Variants in PSD3 observed in about 807,000 individuals in gnomAD.
The protein encoded by PSD3 is pleckstrin and Sec7 domain containing 3, also known as PH and SEC7 domain-containing protein 3.
PSD3 carries 49 observed loss-of-function variants against 105.5 expected under a neutral mutation model. That is an observed-to-expected ratio of 0.46 (90% CI 0.37 to 0.59). The LOEUF (loss-of-function observed/expected upper bound fraction) is 0.59, where lower values mean the gene tolerates loss of function less well. Among genes scored for constraint, PSD3 ranks in the 20% least tolerant of loss-of-function variants. The probability of loss-of-function intolerance (pLI) is 0.00; values close to 1 mark genes in which losing one functional copy is unlikely to be tolerated. For missense variants in PSD3, 1,561 were observed against 1,263.8 expected, an observed-to-expected ratio of 1.24 and a Z score of -3.57; for synonymous variants, 557 against 457.8, an observed-to-expected ratio of 1.22 and a Z score of -2.77.
At chr8:18,691,305 T>A (rs186620490) in intron 9 of PSD3, among the ~76,000 whole-genome samples, 1 of 152,356 alleles carries the variant, frequency 6.6e-6, no homozygotes, top group African/African-American at 2.4e-5. Flanking sequence ...ACCAGAGTGA[T>A]GCATTAGATT....
intron 1 of PSD3, among the ~76,000 whole-genome samples, chr8:18,984,538 CA>C (rs1343210550): frequency 6.6e-6 from 1 of 152,056 alleles, no homozygotes; most frequent in Non-Finnish European, 1.5e-5. Flanking sequence ...AGAATGCTCT[CA>C]AAAAATGTTA....
intron 2 of PSD3, among the ~76,000 whole-genome samples, chr8:18,891,282 T>G (rs1818765395): frequency 6.6e-6 from 1 of 152,202 alleles, no homozygotes. Flanking sequence ...TGGCTCCTTA[T>G]AATATTTTAT....
At chr8:18,967,161 T>TC (rs1440835574) in intron 1 of PSD3, among the ~76,000 whole-genome samples, 8 of 35,584 alleles carry the variant, frequency 2.2e-4, no homozygotes, top group African/African-American at 9.7e-4. Context: ...TCTTTATTTA[T>TC]TTTTTTTTTT....
chr8:18,593,859 C>A (rs1164897525), intron 12 of PSD3, among the ~76,000 whole-genome samples: 1 of 149,400 alleles, frequency 6.7e-6, no homozygotes, highest in Non-Finnish European at 1.5e-5. Context: ...TCATTCTCAG[C>A]AAACTATCAC....
intron 4 of PSD3, among the ~76,000 whole-genome samples, chr8:18,831,511 C>T (rs892317939): frequency 6.6e-6 from 1 of 152,174 alleles, no homozygotes; most frequent in African/African-American, 2.4e-5. Context: ...CACCCGAGGT[C>T]CGGAGTTTGA....
At chr8:18,821,960 G>A (rs1238620200) in intron 4 of PSD3, among the ~76,000 whole-genome samples, 1 of 151,610 alleles carries the variant, frequency 6.6e-6, no homozygotes, top group Admixed American at 6.6e-5. Flanking sequence ...GCAAGTAATC[G>A]AGTTCTTTAA....
intron 1 of PSD3, among the ~76,000 whole-genome samples, chr8:18,936,562 G>A (rs772154289): frequency 6.6e-6 from 1 of 152,122 alleles, no homozygotes. Flanking sequence ...AGGAGTTCGA[G>A]ACCAGCCTGA....
At chr8:18,813,395 C>T (rs983992045) in intron 4 of PSD3, among the ~76,000 whole-genome samples, 3 of 152,118 alleles carry the variant, frequency 2.0e-5, no homozygotes, top group Non-Finnish European at 4.4e-5. Context: ...GCAACCATCC[C>T]CTGTCTGCAA....
intron 1 of PSD3, among the ~76,000 whole-genome samples, chr8:18,979,212 T>C (rs1020751523): frequency 2.6e-5 from 4 of 152,034 alleles, no homozygotes; most frequent in South Asian, 2.1e-4. Flanking sequence ...GTATTTTTCA[T>C]TGCAGGCTTC....
chr8:18,927,445 C>T (rs951983708), intron 2 of PSD3, among the ~76,000 whole-genome samples: 1 of 152,170 alleles, frequency 6.6e-6, no homozygotes, highest in African/African-American at 2.4e-5. Flanking sequence ...AGCTCCTGAC[C>T]TCGTGATCCA....
At chr8:18,624,851 T>G (rs1450883533) in intron 11 of PSD3, among the ~76,000 whole-genome samples, 2 of 152,084 alleles carry the variant, frequency 1.3e-5, no homozygotes. Context: ...TTAGTGTAAT[T>G]ATACATATCA....
rs376107183 is a variant in PSD3 at position 18,968,798 on chromosome 8, C to T, written c.22-32656G>A. On this transcript the variant is annotated intron_variant, in intron 1 of 15. Coordinates refer to ENST00000327040, the MANE Select transcript of PSD3 (RefSeq NM_015310.4). ...GGCTGAGGCAGAAGAATCGCTTGAA[C>T]CCAGGAGGTGGAGGTTGCAGTGAGC... 2.0e-5 allele frequency among the ~76,000 whole-genome samples: 3 copies of T among 146,526 alleles called. No homozygotes were observed. The Admixed American group carries it at 2.2e-4, about 11-fold the overall frequency.
intron 12 of PSD3, among the ~76,000 whole-genome samples, chr8:18,581,112 G>T (rs1012872604): frequency 6.6e-6 from 1 of 152,144 alleles, no homozygotes; most frequent in Non-Finnish European, 1.5e-5. Context: ...CTTGGCTAGC[G>T]GATGACTCAC....
At chr8:18,953,271 C>T (rs769442849) in intron 1 of PSD3, among the ~76,000 whole-genome samples, 25 of 151,878 alleles carry the variant, frequency 1.6e-4, no homozygotes, top group South Asian at 8.3e-4. Flanking sequence ...AATGGTGACG[C>T]GGCATGTTCA....
intron 2 of PSD3, among the ~76,000 whole-genome samples, chr8:18,926,598 T>C (rs183631404): frequency 6.6e-5 from 10 of 152,148 alleles, no homozygotes; most frequent in Middle Eastern, 6.8e-3. Context: ...CCTAGGATAA[T>C]TATAATTTAA....
At chr8:18,623,476 AG>A (rs1300945009) in intron 11 of PSD3, among the ~76,000 whole-genome samples, 2 of 146,460 alleles carry the variant, frequency 1.4e-5, no homozygotes, top group Admixed American at 6.8e-5. Flanking sequence ...AAAAAGAAAA[AG>A]GAAAAAAAAA....
At chr8:19,062,747 A>G (rs569836083) in intron 1 of PSD3, among the ~76,000 whole-genome samples, 1 of 152,342 alleles carries the variant, frequency 6.6e-6, no homozygotes, top group East Asian at 1.9e-4. Flanking sequence ...GAAACGCTAC[A>G]TTACATCAAA....
At chr8:18,862,916 C>T (rs183073411) in intron 4 of PSD3, among the ~76,000 whole-genome samples, 1,888 of 148,948 alleles carry the variant, frequency 0.013, 53 homozygotes, top group African/African-American at 0.043. Context: ...AAAATCCCCA[C>T]AAATATCAAA....
intron 1 of PSD3, among the ~76,000 whole-genome samples, chr8:18,957,738 T>C (rs1318761563): frequency 1.3e-5 from 2 of 152,188 alleles, no homozygotes; most frequent in Admixed American, 6.5e-5. Context: ...CCGAGGTTCT[T>C]ATGAGGCTCT....
Sources: allele counts gnomAD v4.1 joint callset (sites outside exome capture counted in the v4.1 genomes callset), GRCh38; gene constraint gnomAD v4.1.1; transcripts MANE v1.5; gene names NCBI Gene and HGNC (gene_info 2026-07-23, HGNC 2026-07-21).